VPS13B: variants seen among roughly 807,000 people sequenced by gnomAD.
The protein encoded by VPS13B is intermembrane lipid transfer protein VPS13B.
VPS13B carries 285 observed loss-of-function variants against 426.4 expected under a neutral mutation model. The ratio of observed to expected loss-of-function variants is 0.67; its 90% CI spans 0.61 to 0.74. The LOEUF is 0.74. Among genes scored for constraint, VPS13B ranks in the 30% least tolerant of loss-of-function variants. VPS13B has a pLI of 0.00. For synonymous variants in VPS13B, 1,676 were observed against 1,676.4 expected (o/e 1.00, Z 0.01); for missense variants, 4,537 against 4,782.6 (o/e 0.95, Z 1.51).
Position 99,068,716 on chromosome 8 carries a change from G to C in VPS13B, c.292-27596G>C, listed in dbSNP as rs190709920. ...GCACATCTTAGGTGGCAGCAGGGGT[G>C]GGGGGAATGCCACACTTTAAAGGCC... On this transcript the variant is annotated intron_variant, in intron 3 of 61. Coordinates refer to ENST00000357162, the MANE Select transcript of VPS13B (RefSeq NM_152564.5). Among the ~76,000 whole-genome samples the C allele has an allele frequency of 1.4e-3, 208 of 152,204 alleles. 2 individuals are homozygous for C. The highest frequency in any genetic ancestry group is 0.014 in the Middle Eastern group (4 of 294).
rs142848495 is a variant in VPS13B, at chr8:99,622,872, G to T, written c.5221-18939G>T. 4.0e-3 allele frequency among the ~76,000 whole-genome samples: 606 copies of T among 152,184 alleles called. 4 individuals carry two copies. The highest frequency in any genetic ancestry group is 7.0e-3 in the Non-Finnish European group (476 of 68,004). The stretch of plus-strand genomic sequence containing the variant: ...TAACTTCAAAATATATCCAGAATTT[G>T]ACTTCTTATCACTACCTTCACTGTT... On this transcript the variant is annotated intron_variant, in intron 33 of 61. Transcript: ENST00000357162.
At chr8:99,213,272 T>G (rs1044814351) in intron 17 of VPS13B, among the ~76,000 whole-genome samples, 7 of 152,140 alleles carry the variant, frequency 4.6e-5, no homozygotes, top group Admixed American at 2.0e-4. Context: ...CCATTTGTTA[T>G]TACTACCTAA....
intron 33 of VPS13B, among the ~76,000 whole-genome samples, chr8:99,590,930 G>C (rs1341009773): frequency 6.6e-6 from 1 of 152,098 alleles, no homozygotes; most frequent in Non-Finnish European, 1.5e-5. Flanking sequence ...AATATTGATA[G>C]TGGGGTGTTA....
At chr8:99,643,298 G>A (rs1829446409) in intron 34 of VPS13B, among the ~76,000 whole-genome samples, 1 of 152,166 alleles carries the variant, frequency 6.6e-6, no homozygotes, top group African/African-American at 2.4e-5. Context: ...GCAAGCTCAG[G>A]AATAGTTCAG....
At chr8:99,183,619 AT>A (rs556832027) in intron 16 of VPS13B, among the ~76,000 whole-genome samples, 1 of 152,034 alleles carries the variant, frequency 6.6e-6, no homozygotes, top group African/African-American at 2.4e-5. Context: ...TAAATTGGGT[AT>A]TTTTTCTTTT....
chr8:99,649,188 T>C (rs1829707476), intron 34 of VPS13B, among the ~76,000 whole-genome samples: 1 of 152,172 alleles, frequency 6.6e-6, no homozygotes, highest in Non-Finnish European at 1.5e-5. Context: ...ATTGTGTGTC[T>C]GGACTTGGTT....
chr8:99,855,013 G>T (rs1191874248), intron 56 of VPS13B, among the ~76,000 whole-genome samples: 3 of 152,156 alleles, frequency 2.0e-5, no homozygotes, highest in East Asian at 1.9e-4. Flanking sequence ...TTTCAGTCTG[G>T]CTGGAAAAGT....
chr8:99,142,896 A>T, intron 12 of VPS13B, 78 bp from the exon 13 acceptor site: 2 of 1,461,934 alleles, frequency 1.4e-6, no homozygotes, highest in Non-Finnish European at 1.8e-6. Context: ...AGCTATAAAA[A>T]TGAGAGAAGA....
chr8:99,058,517 G>A (rs904176125), intron 3 of VPS13B, among the ~76,000 whole-genome samples: 24 of 152,000 alleles, frequency 1.6e-4, no homozygotes, highest in Admixed American at 2.6e-4. Context: ...AACACATTAA[G>A]AGGTCCTGAG....
intron 19 of VPS13B, among the ~76,000 whole-genome samples, chr8:99,382,856 G>C (rs1432071426): frequency 1.3e-5 from 2 of 152,068 alleles, no homozygotes; most frequent in African/African-American, 4.8e-5. Context: ...TACTGTGTCT[G>C]ATAGCAGTGG....
At chr8:99,662,007 T>G (rs1830247295) in intron 35 of VPS13B, among the ~76,000 whole-genome samples, 1 of 152,112 alleles carries the variant, frequency 6.6e-6, no homozygotes, top group Non-Finnish European at 1.5e-5. Context: ...TATCAAAAAT[T>G]TTTGAGAGCT....
At chr8:99,679,862 T>C (rs1431990032) in intron 35 of VPS13B, among the ~76,000 whole-genome samples, 2 of 152,168 alleles carry the variant, frequency 1.3e-5, no homozygotes, top group African/African-American at 4.8e-5. Flanking sequence ...TGAATTTCAA[T>C]TGCTGAATAA....
At chr8:99,234,072 G>A (rs1052965601) in intron 17 of VPS13B, 164 of 778,682 alleles carry the variant, frequency 2.1e-4, no homozygotes, top group Non-Finnish European at 2.5e-4. Context: ...CAGTCTGTCC[G>A]GCCTGAGAAG....
At chr8:99,623,994 C>CATACATACATATATATATATATAT in intron 33 of VPS13B, among the ~76,000 whole-genome samples, 1 of 53,946 alleles carries the variant, frequency 1.9e-5, no homozygotes, top group East Asian at 9.2e-4. Flanking sequence ...ATGAAACATA[C>CATACATACATATATATATATATAT]ATATATATAT....
intron 21 of VPS13B, among the ~76,000 whole-genome samples, chr8:99,392,604 G>T (rs1157074166): frequency 6.6e-6 from 1 of 151,994 alleles, no homozygotes; most frequent in African/African-American, 2.4e-5. Flanking sequence ...ATATTAAGAA[G>T]ATCCCTACCC....
intron 21 of VPS13B, among the ~76,000 whole-genome samples, chr8:99,407,189 A>G (rs1344296999): frequency 5.3e-5 from 8 of 152,324 alleles, no homozygotes; most frequent in African/African-American, 1.9e-4. Context: ...AACATTTTCA[A>G]CAAATTGGTA....
At chr8:99,558,369 C>A (rs772346479) in intron 31 of VPS13B, among the ~76,000 whole-genome samples, 1 of 151,934 alleles carries the variant, frequency 6.6e-6, no homozygotes, top group South Asian at 2.1e-4. Context: ...TGCCTAGCTC[C>A]TATCATTTAG....
chr8:99,151,289 T>G (rs560457193), intron 14 of VPS13B, among the ~76,000 whole-genome samples: 8 of 152,308 alleles, frequency 5.3e-5, no homozygotes, highest in African/African-American at 1.9e-4. Context: ...CTTTATCAGA[T>G]AGGTCTTTTG....
chr8:99,818,578 C>A (rs1438183402), intron 46 of VPS13B, 44 bp downstream of exon 46: 1 of 1,607,788 alleles, frequency 6.2e-7, no homozygotes, highest in African/African-American at 1.3e-5. Context: ...TGACTCTGAC[C>A]TTTCCTGTTC....
Sources: gnomAD v4.1 joint callset for allele counts (sites outside exome capture counted in the v4.1 genomes callset) on GRCh38, gnomAD v4.1.1 for gene constraint, MANE v1.5 for transcripts, NCBI Gene and HGNC (gene_info 2026-07-23, HGNC 2026-07-21) for gene names.